Variants in CDH4 observed in about 807,000 individuals in gnomAD.
CDH4 encodes cadherin 4.
In CDH4, 33 loss-of-function variants were observed where a neutral mutation model predicts 86.0. The observed-to-expected ratio is 0.38, with a 90% CI of 0.29 to 0.51. CDH4 has a LOEUF of 0.51. Among genes scored for constraint, CDH4 ranks in the 20% least tolerant of loss-of-function variants. The pLI is 0.86. For missense variants in CDH4, 1,114 were observed against 1,307.4 expected (o/e 0.85, Z 2.28); for synonymous variants, 555 against 549.4 (o/e 1.01, Z -0.14).
intron 2 of CDH4, among the ~76,000 whole-genome samples, chr20:61,558,200 G>T (rs1469780075): frequency 6.6e-6 from 1 of 152,074 alleles, no homozygotes; most frequent in Middle Eastern, 3.2e-3. Context: ...GTGGTTTTTG[G>T]TCTAAGATTA....
intron 2 of CDH4, among the ~76,000 whole-genome samples, chr20:61,557,380 G>A (rs886324732): frequency 6.6e-6 from 1 of 152,172 alleles, no homozygotes; most frequent in African/African-American, 2.4e-5. Flanking sequence ...AGAGTTTGCC[G>A]ACCGTTGGCT....
intron 2 of CDH4, among the ~76,000 whole-genome samples, chr20:61,390,522 G>T (rs72487367): frequency 9.3e-6 from 1 of 107,648 alleles, no homozygotes; most frequent in Non-Finnish European, 1.8e-5. Flanking sequence ...AATTGAGATC[G>T]TACGGTCATA....
At chr20:61,641,306 G>A (rs1445903906) in intron 2 of CDH4, among the ~76,000 whole-genome samples, 3 of 152,042 alleles carry the variant, frequency 2.0e-5, no homozygotes, top group Admixed American at 1.3e-4. Flanking sequence ...CTTTTCATCC[G>A]CTCAGCACAG....
intron 2 of CDH4, among the ~76,000 whole-genome samples, chr20:61,319,769 A>G (rs1160421561): frequency 6.6e-6 from 1 of 150,502 alleles, no homozygotes; most frequent in Non-Finnish European, 1.5e-5. Flanking sequence ...AAAACATGGT[A>G]AAACACCATC....
At chr20:61,822,870 A>G (rs1057239025) in intron 4 of CDH4, among the ~76,000 whole-genome samples, 1 of 152,170 alleles carries the variant, frequency 6.6e-6, no homozygotes, top group African/African-American at 2.4e-5. Flanking sequence ...GTGATCTGTG[A>G]ACACAGTATT....
In CDH4 at chr20:61,781,273, T is replaced by A. The variant is rs550481594; in HGVS notation, c.576+8091T>A. On this transcript the variant is annotated intron_variant, in intron 4 of 15. Coordinates refer to ENST00000614565, the MANE Select transcript of CDH4 (RefSeq NM_001794.5). The stretch of plus-strand genomic sequence containing the variant: ...AAAAGAGAGAAAATGTGATCCACAA[T>A]CAAGAAAAAAACTGCCCAGAGAAAG... 5.3e-5 allele frequency among the ~76,000 whole-genome samples: 8 copies of A among 151,590 alleles called. No homozygotes were observed. The East Asian group carries it at 1.4e-3, about 26-fold the overall frequency.
At chr20:61,455,939 A>T (rs982428182) in intron 2 of CDH4, among the ~76,000 whole-genome samples, 6 of 152,092 alleles carry the variant, frequency 3.9e-5, no homozygotes, top group Non-Finnish European at 7.4e-5. Context: ...GGGTGGATGG[A>T]TGGATAGATC....
chr20:61,698,445 G>A (rs1291733067), intron 2 of CDH4, among the ~76,000 whole-genome samples: 1 of 152,252 alleles, frequency 6.6e-6, no homozygotes, highest in Non-Finnish European at 1.5e-5. Context: ...CCATTCAGGG[G>A]AAGCAAGTCA....
chr20:61,813,225 C>T (rs920725640), intron 4 of CDH4, among the ~76,000 whole-genome samples: 1 of 152,214 alleles, frequency 6.6e-6, no homozygotes, highest in Non-Finnish European at 1.5e-5. Context: ...TCACAAGCTC[C>T]CTCCAGCTCC....
intron 2 of CDH4, among the ~76,000 whole-genome samples, chr20:61,326,953 A>G (rs1277103350): frequency 6.6e-6 from 1 of 152,196 alleles, no homozygotes; most frequent in East Asian, 1.9e-4. Flanking sequence ...TATGTCATCT[A>G]CAAACAACCT....
At chr20:61,760,845 A>G (rs1241553707) in intron 3 of CDH4, among the ~76,000 whole-genome samples, 1 of 152,144 alleles carries the variant, frequency 6.6e-6, no homozygotes, top group Non-Finnish European at 1.5e-5. Flanking sequence ...GGTGTCATTG[A>G]TGTAAGAAAA....
chr20:61,690,589 GTC>G (rs1346713020), intron 2 of CDH4, among the ~76,000 whole-genome samples: 1 of 152,162 alleles, frequency 6.6e-6, no homozygotes, highest in African/African-American at 2.4e-5. Flanking sequence ...TCTGCTGCAT[GTC>G]TCTGTTCCTG....
intron 7 of CDH4, among the ~76,000 whole-genome samples, chr20:61,884,097 C>CCAGCT (rs1453460713): frequency 3.3e-5 from 5 of 152,154 alleles, no homozygotes; most frequent in Non-Finnish European, 7.4e-5. Flanking sequence ...TGGGTTTGAT[C>CCAGCT]CAGCTCAGCA....
chr20:61,851,458 G>A (rs368799406), intron 5 of CDH4, among the ~76,000 whole-genome samples: 4 of 152,326 alleles, frequency 2.6e-5, no homozygotes, highest in South Asian at 4.1e-4. Flanking sequence ...GAGTGGCAGC[G>A]GCCATGTGAG....
chr20:61,295,193 T>C (rs758463009), intron 2 of CDH4, among the ~76,000 whole-genome samples: 3 of 152,248 alleles, frequency 2.0e-5, no homozygotes, highest in Non-Finnish European at 4.4e-5. Context: ...ACTTTGTTTT[T>C]AAAAATGCAC....
chr20:61,535,878 T>A (rs2085993508), intron 2 of CDH4, among the ~76,000 whole-genome samples: 1 of 152,190 alleles, frequency 6.6e-6, no homozygotes, highest in African/African-American at 2.4e-5. Context: ...TGCACTGTGC[T>A]CCTCTAGGTT....
rs951229374 is a variant in CDH4, at chr20:61,296,373, CTT to C, written c.169+41439_169+41440del. Among the ~76,000 whole-genome samples, 3 of 151,846 alleles carry C rather than the reference CTT, an allele frequency of 2.0e-5. No homozygotes were observed. The South Asian group carries it at 6.2e-4, about 32-fold the overall frequency. On this transcript the variant is annotated intron_variant, in intron 2 of 15. Transcript: ENST00000614565. ...AGATCGATCTACTACCTGCCTGACTCTTTTCTCAGCACTGCAGGCCACGGGCC... is the reference window on the plus strand; with the variant it reads ...AGATCGATCTACTACCTGCCTGACTCTTCTCAGCACTGCAGGCCACGGGCC...
At chr20:61,734,495 C>T (rs748909629) in intron 2 of CDH4, among the ~76,000 whole-genome samples, 4 of 152,242 alleles carry the variant, frequency 2.6e-5, no homozygotes, top group African/African-American at 4.8e-5. Flanking sequence ...ATCTACTACA[C>T]GGGATCTGGA....
chr20:61,298,193 C>T lies in CDH4; in HGVS notation c.169+43256C>T, dbSNP rs1430853904. ...GAGCCGGGTTTCCGGCCTGTGTCAG[C>T]GGCTGCCTAACCGTGGACACCAGCA... On this transcript the variant is annotated intron_variant, in intron 2 of 15. Coordinates refer to ENST00000614565, the MANE Select transcript of CDH4 (RefSeq NM_001794.5). 4.6e-5 allele frequency among the ~76,000 whole-genome samples: 7 copies of T among 152,212 alleles called. 1 individual carries two copies. The highest frequency in any genetic ancestry group is 4.1e-4 in the South Asian group (2 of 4,826).
Sources: gnomAD v4.1 joint callset for allele counts (sites outside exome capture counted in the v4.1 genomes callset) on GRCh38, gnomAD v4.1.1 for gene constraint, MANE v1.5 for transcripts, NCBI Gene and HGNC (gene_info 2026-07-23, HGNC 2026-07-21) for gene names.